The following SHROOM4 variants were observed in gnomAD, a reference collection of about 807,000 sequenced individuals.
SHROOM4 encodes protein Shroom4.
SHROOM4 carries 17 observed loss-of-function variants against 80.3 expected under a neutral mutation model. The observed-to-expected ratio is 0.21, with a 90% CI of 0.14 to 0.32. The LOEUF (loss-of-function observed/expected upper bound fraction) is 0.32. Among genes scored for constraint, SHROOM4 ranks in the 10% least tolerant of loss-of-function variants. SHROOM4 has a pLI of 1.00. For synonymous variants in SHROOM4, 400 were observed against 437.5 expected, an observed-to-expected ratio of 0.91 and a Z score of 1.07; for missense variants, 993 against 1,140.3, an observed-to-expected ratio of 0.87 and a Z score of 1.86.
intron 1 of SHROOM4, among the ~76,000 whole-genome samples, chrX:50,722,613 C>T (rs992018811): frequency 4.2e-4 from 46 of 110,814 alleles, no homozygotes; most frequent in African/African-American, 1.4e-3. Flanking sequence ...AAAAGCCTTC[C>T]AGGCCTGCTT....
At chrX:50,641,276 G>C (rs1378383726) in intron 2 of SHROOM4, among the ~76,000 whole-genome samples, 1 of 112,528 alleles carries the variant, frequency 8.9e-6, no homozygotes, top group Non-Finnish European at 1.9e-5. Context: ...TGAGACAGAT[G>C]TAGGTTCAGA....
At position 50,813,995 on chromosome X, in the gene SHROOM4, G is replaced by C. The variant is rs782694964; in HGVS notation, c.24C>G (p.Phe8Leu). 4 of 1,208,545 alleles carry C rather than the reference G, an allele frequency of 3.3e-6. No homozygotes were observed. The Admixed American group carries it at 8.7e-5, about 26-fold the overall frequency. Residue 8 changes from phenylalanine (F) to leucine (L), a missense_variant, in exon 1 of 9, where the codon TTC (phenylalanine) becomes TTG (leucine). Phe to Leu is a conservative substitution (Grantham distance 22). Transcript: ENST00000376020. ...CTTGCAGCTGCACAGGGACGTACTG[G>C]AAGGACCCAGGCCGGTTCTCCATCC... MENRPGS[F>L]QYVPVQLQGG... is the part of the protein sequence containing the mutation.
chrX:50,732,376 AC>A (rs1557266381), intron 1 of SHROOM4, among the ~76,000 whole-genome samples: 1 of 111,874 alleles, frequency 8.9e-6, no homozygotes, highest in Non-Finnish European at 1.9e-5. Context: ...CAGAGTTGGT[AC>A]CAGAAAACAA....
intron 2 of SHROOM4, among the ~76,000 whole-genome samples, chrX:50,694,998 C>G (rs1557262935): frequency 9.1e-6 from 1 of 110,324 alleles, no homozygotes; most frequent in African/African-American, 3.3e-5. Flanking sequence ...AAAGGCGCAG[C>G]AGCAAAATGA....
chrX:50,777,644 G>A (rs1557270248), intron 1 of SHROOM4, among the ~76,000 whole-genome samples: 1 of 111,547 alleles, frequency 9.0e-6, no homozygotes, highest in Non-Finnish European at 1.9e-5. Context: ...CCAGGAGTGT[G>A]ATCTCAAATA....
At chrX:50,579,921 C>T in the SHROOM4 span, among the ~76,000 whole-genome samples, 1 of 111,735 alleles carries the variant, frequency 8.9e-6, no homozygotes, top group Non-Finnish European at 1.9e-5. Flanking sequence ...AGATGATAAA[C>T]AACCAGCACC....
At position 50,694,873 on chromosome X, in the gene SHROOM4, A is replaced by C. The variant is rs782734764; in HGVS notation, c.269+913T>G. Among the ~76,000 whole-genome samples the C allele has an allele frequency of 6.5e-5, 7 of 107,606 alleles. No homozygotes were observed. The South Asian group carries it at 2.6e-3, about 40-fold the overall frequency. The allele number at this position is 107,606 out of a possible 115,157, so 93.4% of individuals were successfully genotyped here. A position where few individuals can be genotyped will look rare whatever the true frequency, so the allele number is the denominator to read the frequency against. On this transcript the variant is annotated intron_variant, in intron 2 of 8. Transcript: ENST00000376020. ...AGGAGAAAGACGGGGCAGGAGCCAG[A>C]GGGAGAAGTGAGATTGTGGGAAGAT...
chrX:50,809,818 A>T (rs1345338602), intron 1 of SHROOM4, among the ~76,000 whole-genome samples: 1 of 111,994 alleles, frequency 8.9e-6, no homozygotes, highest in African/African-American at 3.2e-5. Flanking sequence ...TTCCATCCAG[A>T]CAGTACTTCT....
intron 1 of SHROOM4, among the ~76,000 whole-genome samples, chrX:50,702,395 C>A (rs1933540945): frequency 9.0e-6 from 1 of 111,561 alleles, no homozygotes; most frequent in Admixed American, 9.5e-5. Flanking sequence ...TTGTTCACAG[C>A]AGCTTTATTA....
intron 2 of SHROOM4, among the ~76,000 whole-genome samples, chrX:50,665,198 C>T (rs948986788): frequency 9.0e-5 from 10 of 110,894 alleles, no homozygotes; most frequent in Non-Finnish European, 1.9e-4. Context: ...CAACAATCAT[C>T]ACTTTAGTTG....
the SHROOM4 span, among the ~76,000 whole-genome samples, chrX:50,581,025 C>G: frequency 4.5e-5 from 5 of 111,679 alleles, no homozygotes; most frequent in Non-Finnish European, 9.4e-5. Flanking sequence ...AAATCCTATT[C>G]CACCAAAAGT....
At chrX:50,799,145 C>T (rs1011207545) in intron 1 of SHROOM4, among the ~76,000 whole-genome samples, 5 of 112,807 alleles carry the variant, frequency 4.4e-5, no homozygotes, top group Middle Eastern at 4.6e-3. Flanking sequence ...CTTGGAAGGA[C>T]TTAATACAAA....
At position 50,591,130 on chromosome X, in the gene SHROOM4, A is replaced by G. The variant is rs782780155; in HGVS notation, c.*5565T>C. On this transcript the variant is annotated 3_prime_UTR_variant, in exon 9 of 9. Transcript: ENST00000376020. ...TTCATTTTTTCCCATGTAGATACCCAGTTGTCTCAGCATCATTTGTTAAAA... is the reference window on the plus strand; with the variant it reads ...TTCATTTTTTCCCATGTAGATACCCGGTTGTCTCAGCATCATTTGTTAAAA... 8.9e-6 allele frequency among the ~76,000 whole-genome samples: 1 copy of G among 112,263 alleles called. No homozygotes were observed. Among genetic ancestry groups the G allele is most frequent in the South Asian group, 3.7e-4 (1 of 2,676 alleles).
chrX:50,634,194 G>T lies in SHROOM4; in HGVS notation c.1879C>A (p.Pro627Thr), dbSNP rs150861758. Reference protein sequence around the residue: ...KEPVEETQEPPESPPLTASNT... With the variant: ...KEPVEETQEPTESPPLTASNT... ...GAGGCAGTGAGTGGAGGACTTTCTG[G>T]GGGCTCCTGGGTCTCTTCCACTGGC... The change falls in exon 4 of 9, where the codon CCA (proline) becomes ACA (threonine). Residue 627 changes from proline to threonine, a missense_variant. Transcript: ENST00000376020. The T allele has an allele frequency of 8.3e-7, 1 of 1,211,516 alleles. No individual in the cohort carries two copies. Among genetic ancestry groups the T allele is most frequent in the Admixed American group, 2.2e-5 (1 of 46,066 alleles).
At chrX:50,586,440 T>C (rs1928761574), downstream of SHROOM4, among the ~76,000 whole-genome samples, 1 of 111,086 alleles carries the variant, frequency 9.0e-6, no homozygotes, top group Admixed American at 9.6e-5. Context: ...GGGAGGAAAA[T>C]GGGAATTCAA....
At chrX:50,646,553 T>C (rs1288178224) in intron 2 of SHROOM4, among the ~76,000 whole-genome samples, 1 of 106,108 alleles carries the variant, frequency 9.4e-6, no homozygotes, top group African/African-American at 3.5e-5. Flanking sequence ...TGTGTGTGTG[T>C]GTGTGTGTGT....
intron 7 of SHROOM4, among the ~76,000 whole-genome samples, chrX:50,599,632 C>A (rs782792549): frequency 8.9e-6 from 1 of 111,745 alleles, no homozygotes; most frequent in African/African-American, 3.3e-5. Flanking sequence ...AGAATTAGCT[C>A]CTCATTCTCC....
At chrX:50,781,703 C>T (rs1308455558) in intron 1 of SHROOM4, among the ~76,000 whole-genome samples, 1 of 110,339 alleles carries the variant, frequency 9.1e-6, no homozygotes, top group Non-Finnish European at 1.9e-5. Flanking sequence ...AAACAATTAT[C>T]GGTCTAGTTA....
chrX:50,754,736 T>C (rs1935002382), intron 1 of SHROOM4, among the ~76,000 whole-genome samples: 1 of 111,707 alleles, frequency 9.0e-6, no homozygotes, highest in African/African-American at 3.3e-5. Flanking sequence ...CCCACTATCC[T>C]CTAGTATGTC....
Sources: allele counts gnomAD v4.1 joint callset (sites outside exome capture counted in the v4.1 genomes callset), GRCh38; gene constraint gnomAD v4.1.1; transcripts MANE v1.5; gene names NCBI Gene and HGNC (gene_info 2026-07-23, HGNC 2026-07-21).